Variants in KCNMB2 observed in about 807,000 individuals in gnomAD.
KCNMB2 encodes potassium calcium-activated channel subfamily M regulatory beta subunit 2, also known as calcium-activated potassium channel subunit beta-2.
In KCNMB2, 9 loss-of-function variants were observed where a neutral mutation model predicts 24.5. The ratio of observed to expected loss-of-function variants is 0.37; its 90% CI spans 0.22 to 0.64. KCNMB2 has a LOEUF of 0.64. Among genes scored for constraint, KCNMB2 ranks in the 30% least tolerant of loss-of-function variants. The pLI is 0.63. For synonymous variants in KCNMB2, 109 were observed against 104.4 expected, an observed-to-expected ratio of 1.04 and a Z score of -0.27; for missense variants, 226 against 284.3, an observed-to-expected ratio of 0.79 and a Z score of 1.47.
chr3:178,722,901 A>T lies in KCNMB2; in HGVS notation c.-67-84442A>T, dbSNP rs544466217. Among the ~76,000 whole-genome samples, 16 of 152,220 alleles carry T rather than the reference A, an allele frequency of 1.1e-4. No homozygotes were observed. In the South Asian group the frequency reaches 2.9e-3, roughly 28 times the overall value. On this transcript the variant is annotated intron_variant, in intron 1 of 4. Transcript: ENST00000452583. ...GAGCAAGACCCTGTCTTAAAGAAAA[A>T]AAGTTCCCACCTTTGCATTGGGGAT...
chr3:178,598,063 A>C (rs1166775857), intron 1 of KCNMB2, among the ~76,000 whole-genome samples: 1 of 152,028 alleles, frequency 6.6e-6, no homozygotes, highest in Non-Finnish European at 1.5e-5. Context: ...AAAAAAAAAA[A>C]CAAGAAATAC....
intron 1 of KCNMB2, among the ~76,000 whole-genome samples, chr3:178,698,846 GCTGA>G: frequency 6.6e-6 from 1 of 152,296 alleles, no homozygotes; most frequent in East Asian, 1.9e-4. Context: ...GGTGGATTCA[GCTGA>G]CTGACTTTGT....
At chr3:178,747,396 G>A (rs1283176950) in intron 1 of KCNMB2, among the ~76,000 whole-genome samples, 7 of 152,166 alleles carry the variant, frequency 4.6e-5, no homozygotes, top group Non-Finnish European at 1.0e-4. Context: ...AGATTTGGGT[G>A]GGGACACAGC....
chr3:178,769,676 T>A (rs540396059), intron 1 of KCNMB2, among the ~76,000 whole-genome samples: 2 of 152,346 alleles, frequency 1.3e-5, no homozygotes, highest in East Asian at 3.9e-4. Flanking sequence ...ATCAAGATCC[T>A]ACGAGAATTT....
chr3:178,729,630 A>C (rs868355471), intron 1 of KCNMB2, among the ~76,000 whole-genome samples: 1 of 152,210 alleles, frequency 6.6e-6, no homozygotes, highest in Non-Finnish European at 1.5e-5. Flanking sequence ...TTTACTAATA[A>C]ATAGACTAAT....
intron 1 of KCNMB2, among the ~76,000 whole-genome samples, chr3:178,728,570 T>A (rs1723041019): frequency 7.3e-6 from 1 of 137,212 alleles, no homozygotes; most frequent in African/African-American, 2.5e-5. Flanking sequence ...TTGGGATGAA[T>A]CTGTGTTCTT....
intron 1 of KCNMB2, among the ~76,000 whole-genome samples, chr3:178,561,943 T>C (rs535976938): frequency 6.6e-6 from 1 of 152,354 alleles, no homozygotes; most frequent in South Asian, 2.1e-4. Context: ...TCAATTTTAA[T>C]TGGGCTTATT....
intron 1 of KCNMB2, among the ~76,000 whole-genome samples, chr3:178,679,973 C>T (rs866638361): frequency 2.6e-5 from 4 of 152,012 alleles, no homozygotes; most frequent in Middle Eastern, 3.4e-3. Flanking sequence ...GAGCTTTTCC[C>T]CCAAGCAGTT....
intron 1 of KCNMB2, among the ~76,000 whole-genome samples, chr3:178,729,017 AT>A (rs1439816039): frequency 6.6e-6 from 1 of 152,140 alleles, no homozygotes; most frequent in Non-Finnish European, 1.5e-5. Context: ...CTATCACATA[AT>A]TTTCCAGATG....
chr3:178,650,543 T>A (rs1720077172), intron 1 of KCNMB2, among the ~76,000 whole-genome samples: 1 of 152,124 alleles, frequency 6.6e-6, no homozygotes. Context: ...CAGGGACTTC[T>A]CCCTCACTCA....
At chr3:178,828,095 A>G (rs1377412626) in intron 3 of KCNMB2, 83 bp from the exon 4 acceptor site, 3 of 1,036,734 alleles carry the variant, frequency 2.9e-6, no homozygotes, top group Non-Finnish European at 4.3e-6. Context: ...CAGCTTCAGG[A>G]GATGAGAAAT....
intron 1 of KCNMB2, among the ~76,000 whole-genome samples, chr3:178,627,629 C>G (rs1395036658): frequency 6.6e-6 from 1 of 152,186 alleles, no homozygotes; most frequent in Non-Finnish European, 1.5e-5. Context: ...TCTTAATTTT[C>G]TTTCATCATG....
intron 1 of KCNMB2, among the ~76,000 whole-genome samples, chr3:178,724,088 T>C (rs1248383284): frequency 6.6e-6 from 1 of 152,192 alleles, no homozygotes; most frequent in Non-Finnish European, 1.5e-5. Flanking sequence ...CTGAACTAAT[T>C]TGCATTCCCA....
intron 1 of KCNMB2, among the ~76,000 whole-genome samples, chr3:178,776,353 C>T (rs1712578888): frequency 6.6e-6 from 1 of 152,092 alleles, no homozygotes; most frequent in Non-Finnish European, 1.5e-5. Flanking sequence ...CTTCTAAATA[C>T]TGCCTGTATT....
chr3:178,669,321 T>C (rs1414430909), intron 1 of KCNMB2, among the ~76,000 whole-genome samples: 1 of 151,966 alleles, frequency 6.6e-6, no homozygotes, highest in Admixed American at 6.6e-5. Context: ...ACAAATGAAG[T>C]ATATCATGGC....
At chr3:178,552,093 T>C (rs1333498630) in intron 1 of KCNMB2, among the ~76,000 whole-genome samples, 1 of 152,200 alleles carries the variant, frequency 6.6e-6, no homozygotes, top group African/African-American at 2.4e-5. Flanking sequence ...GCAATCTGCT[T>C]TCCTGTGGAT....
chr3:178,840,534 C>T (rs1391871721), intron 4 of KCNMB2, among the ~76,000 whole-genome samples: 1 of 152,272 alleles, frequency 6.6e-6, no homozygotes, highest in East Asian at 1.9e-4. Context: ...CATCAGAATT[C>T]TGCCTGGACA....
At chr3:178,800,381 C>T (rs908664419) in intron 1 of KCNMB2, among the ~76,000 whole-genome samples, 1 of 152,136 alleles carries the variant, frequency 6.6e-6, no homozygotes, top group African/African-American at 2.4e-5. Context: ...TCTGAATAGA[C>T]ATTTCTCAAT....
intron 1 of KCNMB2, among the ~76,000 whole-genome samples, chr3:178,585,029 C>T (rs993025250): frequency 1.1e-4 from 17 of 152,170 alleles, no homozygotes; most frequent in African/African-American, 3.6e-4. Flanking sequence ...TCAGCAGCAG[C>T]GCTCTTCTTG....
Sources: allele counts gnomAD v4.1 joint callset (sites outside exome capture counted in the v4.1 genomes callset), GRCh38; gene constraint gnomAD v4.1.1; transcripts MANE v1.5; gene names NCBI Gene and HGNC (gene_info 2026-07-23, HGNC 2026-07-21).